RBFOX1: variants seen among roughly 807,000 people sequenced by gnomAD.
The protein encoded by RBFOX1 is RNA binding protein fox-1 homolog 1.
A neutral mutation model predicts 57.7 loss-of-function variants in RBFOX1; 8 were observed. That is an observed-to-expected ratio of 0.14 (90% CI 0.08 to 0.25). RBFOX1 has a LOEUF of 0.25. RBFOX1 is among the 10% of genes least tolerant of loss of function. The pLI, the probability that RBFOX1 is intolerant of heterozygous loss-of-function variation, is 1.00. For missense variants in RBFOX1, 611 were observed against 548.5 expected (o/e 1.11, Z -1.14); for synonymous variants, 326 against 222.4 (o/e 1.47, Z -4.15).
chr16:7,245,247 G>A (rs1384399790), intron 4 of RBFOX1, among the ~76,000 whole-genome samples: 1 of 152,002 alleles, frequency 6.6e-6, no homozygotes, highest in Non-Finnish European at 1.5e-5. Context: ...TAGAATTCTA[G>A]ATTTTGAGTA....
At chr16:6,689,574 G>A (rs899393190) in intron 3 of RBFOX1, among the ~76,000 whole-genome samples, 3 of 152,146 alleles carry the variant, frequency 2.0e-5, no homozygotes, top group South Asian at 4.1e-4. Context: ...GCCTCAGCCT[G>A]TCTATGACAA....
At chr16:7,290,620 A>G (rs540230245) in intron 4 of RBFOX1, among the ~76,000 whole-genome samples, 1 of 152,334 alleles carries the variant, frequency 6.6e-6, no homozygotes, top group South Asian at 2.1e-4. Flanking sequence ...TTGCTCATTC[A>G]CTCAACTAAT....
At chr16:6,890,378 G>T in intron 3 of RBFOX1, among the ~76,000 whole-genome samples, 1 of 152,142 alleles carries the variant, frequency 6.6e-6, no homozygotes, top group Non-Finnish European at 1.5e-5. Context: ...AATTAGCTGG[G>T]CGTGGTGGTG....
chr16:5,713,703 G>T (rs2051578671), intron 3 of RBFOX1, among the ~76,000 whole-genome samples: 1 of 152,152 alleles, frequency 6.6e-6, no homozygotes, highest in Non-Finnish European at 1.5e-5. Context: ...TGTCATTGTG[G>T]TGTCTGGACG....
intron 14 of RBFOX1, among the ~76,000 whole-genome samples, chr16:7,683,427 A>C (rs1217859866): frequency 5.9e-5 from 9 of 152,024 alleles, no homozygotes; most frequent in Admixed American, 1.3e-4. Flanking sequence ...TGGCTTCATA[A>C]CAACTGTTAT....
At chr16:7,202,991 T>G (rs1292671464) in intron 4 of RBFOX1, among the ~76,000 whole-genome samples, 1 of 152,186 alleles carries the variant, frequency 6.6e-6, no homozygotes, top group African/African-American at 2.4e-5. Context: ...TTTCACCGTG[T>G]GAGCCAGGAT....
At chr16:5,534,476 C>T (rs372028411) in intron 2 of RBFOX1, among the ~76,000 whole-genome samples, 6 of 152,160 alleles carry the variant, frequency 3.9e-5, no homozygotes, top group African/African-American at 1.4e-4. Context: ...GCGAGAGACC[C>T]CAGCAAACCA....
chr16:6,604,979 A>G lies in RBFOX1; in HGVS notation c.-63-49624A>G, dbSNP rs563123463. 4.0e-4 allele frequency among the ~76,000 whole-genome samples: 61 copies of G among 152,174 alleles called. 1 individual carries two copies. The highest frequency in any genetic ancestry group is 1.5e-3 in the African/African-American group (61 of 41,554). On this transcript the variant is annotated intron_variant, in intron 2 of 15. Transcript: ENST00000550418. Reference sequence around the variant, plus strand: ...GCAAAACCTCATCTTTACCAAAAAAAGTAAAATAAAATTATATATAAATAT... The same window carrying G: ...GCAAAACCTCATCTTTACCAAAAAAGGTAAAATAAAATTATATATAAATAT...
intron 1 of RBFOX1, among the ~76,000 whole-genome samples, chr16:5,398,302 T>C (rs1383407194): frequency 6.7e-6 from 1 of 149,686 alleles, no homozygotes; most frequent in Non-Finnish European, 1.5e-5. Context: ...TGCTTATGTG[T>C]GTGTGCATGT....
At chr16:6,047,622 G>A (rs866460173) in intron 1 of RBFOX1, among the ~76,000 whole-genome samples, 2 of 152,186 alleles carry the variant, frequency 1.3e-5, no homozygotes, top group Non-Finnish European at 2.9e-5. Context: ...CTTGCTCACA[G>A]ACCAGATTAT....
intron 4 of RBFOX1, among the ~76,000 whole-genome samples, chr16:7,322,100 A>G (rs547379761): frequency 6.6e-6 from 1 of 152,336 alleles, no homozygotes; most frequent in South Asian, 2.1e-4. Flanking sequence ...GTGATGGCTA[A>G]TACCCATTCA....
chr16:5,479,476 C>A lies in RBFOX1; in HGVS notation c.258+12222C>A, dbSNP rs12935674. Among the ~76,000 whole-genome samples, 11 of 152,086 alleles carry A rather than the reference C, an allele frequency of 7.2e-5. No individual in the cohort carries two copies. The South Asian group carries it at 1.7e-3, about 23-fold the overall frequency. ...TTGTTTCCTTAGAATTATTTCTCCC[C>A]GGCCAGGCATGGTGGCTCATGCTTG... On this transcript the variant is annotated intron_variant, in intron 2 of 2. Coordinates refer to the RBFOX1 transcript ENST00000585867.
In RBFOX1 at chr16:7,313,587, C is replaced by T. The variant is rs548700543; in HGVS notation, c.28-204560C>T. 1.7e-4 allele frequency among the ~76,000 whole-genome samples: 26 copies of T among 151,478 alleles called. 1 individual carries two copies. In the South Asian group the frequency reaches 4.6e-3, roughly 27 times the overall value. Reference sequence around the variant, plus strand: ...GGTAACGAGATAAGCCAGCCTTCTTCCACAATGATGATCATAATAATAAAA... The same window carrying T: ...GGTAACGAGATAAGCCAGCCTTCTTTCACAATGATGATCATAATAATAAAA... On this transcript the variant is annotated intron_variant, in intron 4 of 15. Coordinates refer to ENST00000550418, the MANE Select transcript of RBFOX1 (RefSeq NM_018723.4).
intron 1 of RBFOX1, among the ~76,000 whole-genome samples, chr16:6,266,529 C>T (rs2074515381): frequency 6.6e-6 from 1 of 152,034 alleles, no homozygotes. Flanking sequence ...GCCTGGCCAA[C>T]ATGGTGAAAC....
intron 1 of RBFOX1, among the ~76,000 whole-genome samples, chr16:6,186,237 T>C (rs923309549): frequency 6.6e-6 from 1 of 152,210 alleles, no homozygotes; most frequent in African/African-American, 2.4e-5. Flanking sequence ...CAGTCATTTA[T>C]AGACTGATTC....
chr16:6,374,615 T>C (rs560384473), intron 2 of RBFOX1, among the ~76,000 whole-genome samples: 1 of 152,336 alleles, frequency 6.6e-6, no homozygotes, highest in South Asian at 2.1e-4. Context: ...TTACTCTAGC[T>C]GAAAATGTCT....
intron 3 of RBFOX1, among the ~76,000 whole-genome samples, chr16:6,659,894 A>C (rs1191638044): frequency 6.6e-6 from 1 of 152,098 alleles, no homozygotes; most frequent in African/African-American, 2.4e-5. Flanking sequence ...AGGTTTGGCA[A>C]TTTCAGCAGA....
chr16:6,056,891 G>C (rs1201963099), intron 1 of RBFOX1: 1 of 146,588 alleles, frequency 6.8e-6, no homozygotes, highest in African/African-American at 2.5e-5. Context: ...CATACAGAAA[G>C]AACAAAGACG....
chr16:6,578,162 C>G (rs957180525), intron 2 of RBFOX1, among the ~76,000 whole-genome samples: 1 of 152,238 alleles, frequency 6.6e-6, no homozygotes, highest in African/African-American at 2.4e-5. Flanking sequence ...CTAACTACTA[C>G]TAGACATCAG....
Sources: gnomAD v4.1 joint callset for allele counts (sites outside exome capture counted in the v4.1 genomes callset) on GRCh38, gnomAD v4.1.1 for gene constraint, MANE v1.5 for transcripts, NCBI Gene and HGNC (gene_info 2026-07-23, HGNC 2026-07-21) for gene names.